Variants in CPXM2 observed in about 807,000 individuals in gnomAD.
The protein encoded by CPXM2 is inactive carboxypeptidase-like protein X2.
CPXM2 carries 66 observed loss-of-function variants against 86.1 expected under a neutral mutation model. The observed-to-expected ratio is 0.77, with a 90% CI of 0.63 to 0.94. The LOEUF (loss-of-function observed/expected upper bound fraction) is 0.94. Among genes scored for constraint, CPXM2 ranks in the 40% least tolerant of loss-of-function variants. CPXM2 has a pLI of 0.00. For missense variants in CPXM2, 948 were observed against 1,026.3 expected (o/e 0.92, Z 1.04); for synonymous variants, 388 against 400.2 (o/e 0.97, Z 0.36).
chr10:123,799,676 A>G (rs1847411372), intron 4 of CPXM2, among the ~76,000 whole-genome samples: 1 of 152,204 alleles, frequency 6.6e-6, no homozygotes, highest in Admixed American at 6.5e-5. Flanking sequence ...ACCAATCACA[A>G]AAATAAAATG....
chr10:123,852,124 T>C lies in CPXM2; in HGVS notation c.514-9636A>G, dbSNP rs137868495. Among the ~76,000 whole-genome samples, 83 of 152,286 alleles carry C rather than the reference T, an allele frequency of 5.5e-4. No individual in the cohort carries two copies. In the East Asian group the frequency reaches 0.015, roughly 28 times the overall value. On this transcript the variant is annotated intron_variant, in intron 3 of 13. Coordinates refer to ENST00000241305, the MANE Select transcript of CPXM2 (RefSeq NM_198148.3). ...GCCTCCAGAATTGTGAGAGAATCAG[T>C]GTTTGTTGTCTTCAGTTTCCCTATC...
chr10:123,816,109 G>C lies in CPXM2; in HGVS notation c.654-16910C>G, dbSNP rs184267800. ...GGGATCCAAAGGCTTAGGGAGATTG[G>C]GATGGTGGAGTGGATTAGTCACTTT... On this transcript the variant is annotated intron_variant, in intron 4 of 13. Transcript: ENST00000241305. 4.5e-3 allele frequency among the ~76,000 whole-genome samples: 683 copies of C among 152,270 alleles called. 3 individuals carry two copies. Among genetic ancestry groups the C allele is most frequent in the African/African-American group, 0.016 (648 of 41,554 alleles).
At chr10:123,791,632 T>C (rs879447388) in intron 6 of CPXM2, among the ~76,000 whole-genome samples, 4 of 152,154 alleles carry the variant, frequency 2.6e-5, no homozygotes, top group Admixed American at 2.0e-4. Flanking sequence ...ACACCAGTCA[T>C]TGGATTAAGG....
At chr10:123,928,373 A>G (rs1945641454) in intron 2 of CPXM2, among the ~76,000 whole-genome samples, 1 of 152,236 alleles carries the variant, frequency 6.6e-6, no homozygotes, top group Admixed American at 6.5e-5. Context: ...GCAATTTAAA[A>G]TTGGTGAATT....
chr10:123,749,701 C>T (rs1218396155), intron 13 of CPXM2, among the ~76,000 whole-genome samples: 2 of 152,242 alleles, frequency 1.3e-5, no homozygotes, highest in Non-Finnish European at 2.9e-5. Context: ...TTTGCATATA[C>T]TGTTCCCACT....
intron 4 of CPXM2, among the ~76,000 whole-genome samples, chr10:123,827,964 G>A (rs1196840352): frequency 6.6e-6 from 1 of 152,080 alleles, no homozygotes; most frequent in Non-Finnish European, 1.5e-5. Flanking sequence ...AGGAATTTGA[G>A]ACTAGCCAGG....
chr10:123,818,954 T>G (rs1029133526), intron 4 of CPXM2, among the ~76,000 whole-genome samples: 5 of 152,074 alleles, frequency 3.3e-5, no homozygotes, highest in African/African-American at 4.8e-5. Flanking sequence ...CTAGCAAAAT[T>G]TTCGCTTCCT....
At chr10:123,835,346 C>G (rs986771814) in intron 4 of CPXM2, among the ~76,000 whole-genome samples, 1 of 152,152 alleles carries the variant, frequency 6.6e-6, no homozygotes, top group Non-Finnish European at 1.5e-5. Flanking sequence ...GAGATTTCCC[C>G]GTCTGAGAGC....
intron 2 of CPXM2, among the ~76,000 whole-genome samples, chr10:123,872,797 C>G (rs1210901350): frequency 6.6e-6 from 1 of 152,040 alleles, no homozygotes; most frequent in Non-Finnish European, 1.5e-5. Flanking sequence ...AGGAGGTATA[C>G]CATCCAAAAC....
At chr10:123,835,258 C>G (rs927470892) in intron 4 of CPXM2, among the ~76,000 whole-genome samples, 2 of 152,024 alleles carry the variant, frequency 1.3e-5, no homozygotes, top group Non-Finnish European at 2.9e-5. Context: ...GGAGTCACAC[C>G]TGGGGAACAA....
At chr10:123,925,145 A>G (rs9794146) in intron 2 of CPXM2, among the ~76,000 whole-genome samples, 138 of 149,954 alleles carry the variant, frequency 9.2e-4, no homozygotes, top group African/African-American at 1.0e-3. Context: ...GTGGGAAGGG[A>G]GGGAGAGAGA....
At chr10:123,800,027 G>GT (rs1847421832) in intron 4 of CPXM2, among the ~76,000 whole-genome samples, 1 of 126,470 alleles carries the variant, frequency 7.9e-6, no homozygotes, top group Admixed American at 7.6e-5. Context: ...CTAGTTTTTT[G>GT]GTTTTTTTTT....
chr10:123,854,795 C>A (rs1172411610), intron 3 of CPXM2, among the ~76,000 whole-genome samples: 1 of 151,852 alleles, frequency 6.6e-6, no homozygotes, highest in Non-Finnish European at 1.5e-5. Context: ...CGTCTCCCAG[C>A]AATCAGGTGT....
At chr10:123,791,216 C>A (rs780555477) in intron 6 of CPXM2, among the ~76,000 whole-genome samples, 1 of 152,080 alleles carries the variant, frequency 6.6e-6, no homozygotes, top group Non-Finnish European at 1.5e-5. Context: ...GGGTTCGAGA[C>A]CAGCCTGACC....
At chr10:123,832,700 G>A (rs995987235) in intron 4 of CPXM2, among the ~76,000 whole-genome samples, 3 of 151,964 alleles carry the variant, frequency 2.0e-5, no homozygotes, top group African/African-American at 7.3e-5. Flanking sequence ...GGTGGTACAC[G>A]CCTATAATAC....
rs1276353873 is a variant in CPXM2 at position 123,770,867 on chromosome 10, T to G, written c.1102+49A>C. ...GTGAACAGTCTCCTAACTGTTTACA[T>G]GAGTACCAAAGATGAAGGGGCCAAG... On this transcript the variant is annotated intron_variant, in intron 8 of 13. Transcript: ENST00000241305. 4 of 1,576,804 alleles carry G rather than the reference T, an allele frequency of 2.5e-6. No homozygotes were observed. The African/African-American group carries it at 5.5e-5, about 22-fold the overall frequency.
In CPXM2 at chr10:123,756,770, G is replaced by A. The variant is rs377156549; in HGVS notation, c.1917+443C>T. Reference sequence around the variant, plus strand: ...AGAGGGATAACCACCACATGAAGAGGTGGCAAGATGGCAGCCGAGGAGACA... The same window carrying A: ...AGAGGGATAACCACCACATGAAGAGATGGCAAGATGGCAGCCGAGGAGACA... On this transcript the variant is annotated intron_variant, in intron 12 of 13. Transcript: ENST00000241305. Among the ~76,000 whole-genome samples, 14 of 152,340 alleles carry A rather than the reference G, an allele frequency of 9.2e-5. No individual in the cohort carries two copies. In the East Asian group the frequency reaches 1.4e-3, roughly 15 times the overall value.
chr10:123,808,453 CCAGGGAAAATGCATCTAA>C, intron 4 of CPXM2, among the ~76,000 whole-genome samples: 1 of 151,976 alleles, frequency 6.6e-6, no homozygotes, highest in Admixed American at 6.6e-5. Context: ...CAGGGTCGCC[CCAGGGAAAATGCATCTAA>C]CAGTGCCAGG....
At chr10:123,916,356 G>A (rs768162080) in intron 2 of CPXM2, among the ~76,000 whole-genome samples, 12 of 152,134 alleles carry the variant, frequency 7.9e-5, no homozygotes, top group Non-Finnish European at 4.4e-5. Context: ...CACTAGATAA[G>A]GCTCTGGATT....
Sources: gnomAD v4.1 joint callset for allele counts (sites outside exome capture counted in the v4.1 genomes callset) on GRCh38, gnomAD v4.1.1 for gene constraint, MANE v1.5 for transcripts, NCBI Gene and HGNC (gene_info 2026-07-23, HGNC 2026-07-21) for gene names.